Variants in CCDC191 observed in about 807,000 individuals in gnomAD.
CCDC191 encodes the protein coiled-coil domain containing 191, also known as coiled-coil domain-containing protein 191.
In CCDC191, 99 loss-of-function variants were observed where a neutral mutation model predicts 114.0. The observed-to-expected ratio is 0.87, with a 90% confidence interval of 0.74 to 1.03. CCDC191 has a LOEUF of 1.03. Ranked by LOEUF, CCDC191 falls within the 50% of genes least tolerant of loss-of-function variation. The pLI, the probability that CCDC191 is intolerant of heterozygous loss-of-function variation, is 0.00. For missense variants in CCDC191, 973 were observed against 1,087.0 expected, an observed-to-expected ratio of 0.90 and a Z score of 1.47; for synonymous variants, 351 against 376.0, an observed-to-expected ratio of 0.93 and a Z score of 0.77.
At chr3:114,050,586 A>T (rs1225231191) in intron 2 of CCDC191, among the ~76,000 whole-genome samples, 2 of 152,172 alleles carry the variant, frequency 1.3e-5, no homozygotes, top group Non-Finnish European at 2.9e-5. Flanking sequence ...CCTCTCAGAG[A>T]GGAGGAGTAT....
At chr3:114,046,993 G>A in intron 2 of CCDC191, 1 of 958,006 alleles carries the variant, frequency 1.0e-6, no homozygotes, top group African/African-American at 1.8e-5. Flanking sequence ...AAGTTATTAA[G>A]ATTTAGATAA....
chr3:113,972,464 A>G (rs1418105412), intron 16 of CCDC191, among the ~76,000 whole-genome samples: 1 of 151,946 alleles, frequency 6.6e-6, no homozygotes, highest in Non-Finnish European at 1.5e-5. Flanking sequence ...TGTTTTTTGA[A>G]TTTGTTGAGA....
chr3:113,976,523 T>C (rs1941360909), intron 16 of CCDC191, among the ~76,000 whole-genome samples: 2 of 152,142 alleles, frequency 1.3e-5, no homozygotes, highest in Admixed American at 1.3e-4. Flanking sequence ...ATGAGATGGT[T>C]TGTGCAAAAG....
intron 16 of CCDC191, 124 bp downstream of exon 16, chr3:113,978,060 CCT>C (rs1406228502): frequency 1.5e-5 from 15 of 1,017,192 alleles, no homozygotes; most frequent in Non-Finnish European, 1.9e-5. Context: ...GACTCCCACC[CCT>C]GACTGGTGTT....
Position 113,964,900 on chromosome 3 carries a change from T to A in CCDC191, c.*255A>T, listed in dbSNP as rs1939955676. On this transcript the variant is annotated 3_prime_UTR_variant, in exon 17 of 17. Transcript: ENST00000295878. ...TTTAAAGTTTACTATGCTAAAAATA[T>A]ATAGGATATATTTGAACAGACGATC... 3.5e-6 allele frequency: 1 copy of A among 284,784 alleles called. No homozygotes were observed. The highest frequency in any genetic ancestry group is 2.2e-5 in the African/African-American group (1 of 46,078). The allele number at this position is 284,784 out of a possible 1,614,324, so 17.6% of individuals were successfully genotyped here.
chr3:113,994,148 T>C (rs1038957335), intron 13 of CCDC191, among the ~76,000 whole-genome samples: 23 of 152,106 alleles, frequency 1.5e-4, no homozygotes, highest in Non-Finnish European at 4.4e-5. Context: ...TATTTGCAAA[T>C]CACATATCTA....
chr3:113,970,160 A>G (rs926356514), intron 16 of CCDC191, among the ~76,000 whole-genome samples: 2 of 152,130 alleles, frequency 1.3e-5, no homozygotes, highest in South Asian at 2.1e-4. Context: ...CTGTTGGTGT[A>G]TATATTAATA....
At chr3:114,031,984 GTT>G (rs1283582830) in intron 6 of CCDC191, among the ~76,000 whole-genome samples, 1 of 152,050 alleles carries the variant, frequency 6.6e-6, no homozygotes, top group African/African-American at 2.4e-5. Flanking sequence ...AAATAAAATT[GTT>G]ATAAAGTACT....
chr3:113,998,581 C>T (rs1255191689), intron 13 of CCDC191, among the ~76,000 whole-genome samples: 1 of 152,144 alleles, frequency 6.6e-6, no homozygotes, highest in African/African-American at 2.4e-5. Flanking sequence ...GACTTCCACT[C>T]ACCAGCTGAC....
intron 13 of CCDC191, among the ~76,000 whole-genome samples, chr3:113,981,020 T>G (rs1181520148): frequency 6.6e-6 from 1 of 152,178 alleles, no homozygotes; most frequent in Non-Finnish European, 1.5e-5. Flanking sequence ...CTATGCATAT[T>G]CGTGGATTTA....
At chr3:113,996,864 C>T (rs1180224560) in intron 13 of CCDC191, among the ~76,000 whole-genome samples, 1 of 147,704 alleles carries the variant, frequency 6.8e-6, no homozygotes, top group East Asian at 2.1e-4. Context: ...CACACTGGGG[C>T]CTGCTGGGGG....
In CCDC191 at chr3:114,036,657, T is replaced by C. The variant is rs2107736583; in HGVS notation, c.545A>G (p.Lys182Arg). 8 of 1,606,960 alleles carry C rather than the reference T, an allele frequency of 5.0e-6. No individual in the cohort carries two copies. Among genetic ancestry groups the C allele is most frequent in the East Asian group, 2.3e-5 (1 of 44,360 alleles). The change falls in exon 5 of 17, where the codon AAG becomes AGG. Residue 182 changes from lysine (K) to arginine (R), a missense_variant. Physicochemically the swap from Lys to Arg is conservative, Grantham distance 26. Coordinates refer to ENST00000295878, the MANE Select transcript of CCDC191 (RefSeq NM_020817.2). The part of the protein sequence containing the change: ...EDLGRKENQD[K>R]KQQKDPRLTM... ...AAGACGAGGATCCTTCTGCTGCTTC[T>C]TGTCTTGGTTTTCCTTCCTTCCAAG... is the stretch of plus-strand genomic sequence containing the variant.
Position 113,965,375 on chromosome 3 carries a change from A to C in CCDC191, c.2607-16T>G, listed in dbSNP as rs370217195. ...GAGGATCCTCCTTTAAGAATAAAGA[A>C]GGAAAAAAGTGAAATGTTGAGAAAA... On this transcript the variant is annotated splice_polypyrimidine_tract_variant and intron_variant, in intron 16 of 16. Coordinates refer to ENST00000295878, the MANE Select transcript of CCDC191 (RefSeq NM_020817.2). 1.3e-6 allele frequency: 2 copies of C among 1,514,100 alleles called. No homozygotes were observed. The allele number at this position is 1,514,100 out of a possible 1,614,324, so 93.8% of individuals were successfully genotyped here.
chr3:114,005,810 G>C lies in CCDC191; in HGVS notation c.1566C>G (p.Thr522=). The change falls in exon 10 of 17, where the codon ACC becomes ACG. Residue 522 remains threonine (T), a synonymous_variant. Transcript: ENST00000295878. ...GCTGTTGAGAGGGTTCAGCACCCAG[G>C]GTCTTGTGCTGCTTATTGCCAGGTG... ...LSAPGNKQHK[T]LGAEPSQQPG... 6.2e-7 allele frequency: 1 copy of C among 1,614,048 alleles called. No homozygotes were observed. The highest frequency in any genetic ancestry group is 8.5e-7 in the Non-Finnish European group (1 of 1,179,978).
At chr3:114,039,697 GTGTT>G (rs1312236073) in intron 4 of CCDC191, among the ~76,000 whole-genome samples, 1 of 150,662 alleles carries the variant, frequency 6.6e-6, no homozygotes, top group Non-Finnish European at 1.5e-5. Flanking sequence ...GCTAATGTGT[GTGTT>G]TGTGTCTTAG....
At position 114,004,056 on chromosome 3, in the gene CCDC191, G is replaced by A. The variant is rs1226858057; in HGVS notation, c.1978+581C>T. The A allele has an allele frequency of 4.2e-6, 4 of 959,476 alleles. No individual in the cohort carries two copies. In the African/African-American group the frequency reaches 7.1e-5, roughly 17 times the overall value. The allele number at this position is 959,476 out of a possible 1,614,324, so 59.4% of individuals were successfully genotyped here. A position where few individuals can be genotyped will look rare whatever the true frequency, so the allele number is the denominator to read the frequency against. On this transcript the variant is annotated intron_variant, in intron 11 of 16. Transcript: ENST00000295878. ...TGTTGAGGTGGGAGGACTCCTTGAG[G>A]CCAGGAGTTTGAGACCAGCCTGGGC...
Position 113,978,294 on chromosome 3 carries a change from C to A in CCDC191, c.2498G>T (p.Cys833Phe). ...IDLQEEVRKFCVHFLQKKIFR... is the reference protein window; with the variant it reads ...IDLQEEVRKFFVHFLQKKIFR... ...AATCTTCTTTTGAAGAAAATGTACA[C>A]AAAATTTTCTTACTTCTTCCTGCAG... Residue 833 changes from cysteine to phenylalanine, a missense_variant, in exon 16 of 17, where the codon TGT becomes TTT. Transcript: ENST00000295878. 1.2e-6 allele frequency: 2 copies of A among 1,613,874 alleles called. No individual in the cohort carries two copies. Among genetic ancestry groups the A allele is most frequent in the South Asian group, 2.2e-5 (2 of 91,078 alleles).
intron 16 of CCDC191, 119 bp from the exon 17 acceptor site, chr3:113,965,478 G>A (rs1940030128): frequency 3.7e-6 from 2 of 536,432 alleles, no homozygotes; most frequent in Non-Finnish European, 6.3e-6. Context: ...TATAAAAGGT[G>A]TGGAAATCAC....
intron 16 of CCDC191, among the ~76,000 whole-genome samples, chr3:113,966,654 A>G (rs761740916): frequency 6.6e-6 from 1 of 152,206 alleles, no homozygotes; most frequent in Non-Finnish European, 1.5e-5. Context: ...AGTTAAGCTT[A>G]TATTTTCACA....
Sources: allele counts gnomAD v4.1 joint callset (sites outside exome capture counted in the v4.1 genomes callset), GRCh38; gene constraint gnomAD v4.1.1; transcripts MANE v1.5; gene names NCBI Gene and HGNC (gene_info 2026-07-23, HGNC 2026-07-21).